Variants in KIF5C observed in about 807,000 individuals in gnomAD.
The protein encoded by KIF5C is kinesin heavy chain isoform 5C.
Under a neutral mutation model 125.2 loss-of-function variants are expected in KIF5C, and 18 were observed. That is an observed-to-expected ratio of 0.14 (90% CI 0.10 to 0.21). The LOEUF is 0.21. Ranked by LOEUF, KIF5C falls within the 10% of genes least tolerant of loss-of-function variation. The probability of loss-of-function intolerance (pLI) is 1.00; values close to 1 mark genes in which losing one functional copy is unlikely to be tolerated. For missense variants in KIF5C, 780 were observed against 1,183.8 expected, an observed-to-expected ratio of 0.66 and a Z score of 5.01; for synonymous variants, 405 against 434.0, an observed-to-expected ratio of 0.93 and a Z score of 0.83.
At chr2:149,013,118 T>G (rs1682260923) in intron 25 of KIF5C, among the ~76,000 whole-genome samples, 1 of 152,210 alleles carries the variant, frequency 6.6e-6, no homozygotes. Flanking sequence ...GTTTGAAAAC[T>G]CTCCATGGTT....
At chr2:148,911,194 G>A (rs966568597) in intron 1 of KIF5C, among the ~76,000 whole-genome samples, 1 of 152,184 alleles carries the variant, frequency 6.6e-6, no homozygotes, top group Non-Finnish European at 1.5e-5. Flanking sequence ...ATGTGAGAGA[G>A]TATGGAAACG....
intron 25 of KIF5C, 121 bp downstream of exon 25, chr2:149,011,804 C>A: frequency 1.5e-6 from 2 of 1,347,130 alleles, no homozygotes; most frequent in South Asian, 1.4e-5. Flanking sequence ...CAGCACACAC[C>A]CTGGGGGTTC....
rs1224685333 is a variant in KIF5C, at chr2:148,979,009, T to G, written c.1362+19T>G. On this transcript the variant is annotated intron_variant, in intron 13 of 25. Transcript: ENST00000435030. ...GGATGAGGTAAAGAATGCAATATAT[T>G]TTTTTTTCCACAAAGTTCTTCTATT... is the stretch of plus-strand genomic sequence containing the variant. The G allele has an allele frequency of 6.5e-7, 1 of 1,539,610 alleles. No homozygotes were observed. The highest frequency in any genetic ancestry group is 8.8e-7 in the Non-Finnish European group (1 of 1,141,512).
intron 1 of KIF5C, among the ~76,000 whole-genome samples, chr2:148,895,931 G>T (rs1453878406): frequency 6.6e-6 from 1 of 151,960 alleles, no homozygotes; most frequent in Non-Finnish European, 1.5e-5. Flanking sequence ...ATCCTATTGA[G>T]TCAGAGTCCC....
At chr2:148,989,576 T>C (rs1681472078) in intron 15 of KIF5C, among the ~76,000 whole-genome samples, 1 of 152,234 alleles carries the variant, frequency 6.6e-6, no homozygotes, top group African/African-American at 2.4e-5. Context: ...TTTTCCATAG[T>C]GGTTGTACTA....
At chr2:148,987,343 A>T (rs1484140567) in intron 15 of KIF5C, among the ~76,000 whole-genome samples, 1 of 152,188 alleles carries the variant, frequency 6.6e-6, no homozygotes, top group Non-Finnish European at 1.5e-5. Context: ...AGCAGAGGAT[A>T]TGAAGGCTGT....
chr2:148,898,414 C>A (rs1320674934), intron 1 of KIF5C, among the ~76,000 whole-genome samples: 2 of 152,188 alleles, frequency 1.3e-5, no homozygotes, highest in Non-Finnish European at 2.9e-5. Context: ...ACTTCTTAAT[C>A]CCAGAACCCG....
chr2:148,935,010 G>A, intron 3 of KIF5C: 1 of 350,676 alleles, frequency 2.9e-6, no homozygotes, highest in Non-Finnish European at 5.6e-6. Flanking sequence ...CCACTCTTGG[G>A]CATCTGAGCT....
intron 8 of KIF5C, chr2:148,948,086 G>A (rs955701548): frequency 9.0e-6 from 4 of 442,538 alleles, no homozygotes; most frequent in African/African-American, 4.0e-5. Context: ...AGTGGCTCAC[G>A]CCTGTAATCC....
intron 1 of KIF5C, chr2:148,886,169 A>G (rs557885575): frequency 6.6e-6 from 1 of 152,266 alleles, no homozygotes; most frequent in East Asian, 1.9e-4. Context: ...ACAAATGCCA[A>G]TCTGGTCAGT....
intron 16 of KIF5C, 80 bp downstream of exon 16, chr2:148,991,278 T>C: frequency 6.6e-7 from 1 of 1,513,626 alleles, no homozygotes; most frequent in South Asian, 1.3e-5. Context: ...GTGCTGATGG[T>C]GCACCTTAGG....
chr2:149,013,742 C>A (rs1682279424), intron 25 of KIF5C, among the ~76,000 whole-genome samples: 1 of 152,124 alleles, frequency 6.6e-6, no homozygotes. Flanking sequence ...GGGACAGTCA[C>A]CTTCTTCATG....
At chr2:148,886,080 A>T (rs184507809) in intron 1 of KIF5C, 1 of 152,292 alleles carries the variant, frequency 6.6e-6, no homozygotes, top group East Asian at 1.9e-4. Context: ...AACTCCATCG[A>T]TATTAGAAAC....
At chr2:148,965,296 G>C (rs1485406669) in intron 11 of KIF5C, among the ~76,000 whole-genome samples, 1 of 152,004 alleles carries the variant, frequency 6.6e-6, no homozygotes, top group African/African-American at 2.4e-5. Flanking sequence ...TAGGTGTGAG[G>C]GCCCTTTGGA....
At chr2:148,942,035 T>G in intron 6 of KIF5C, 45 bp downstream of exon 6, 1 of 1,598,242 alleles carries the variant, frequency 6.3e-7, no homozygotes, top group South Asian at 1.1e-5. Context: ...TTCTCTCCAG[T>G]CTCTGTCATA....
chr2:149,022,019 G>C (rs1269079222), intron 25 of KIF5C, among the ~76,000 whole-genome samples: 1 of 152,148 alleles, frequency 6.6e-6, no homozygotes, highest in Non-Finnish European at 1.5e-5. Flanking sequence ...GTTCATCCTG[G>C]AGATGCGCCC....
At chr2:148,903,095 C>T (rs1487308356) in intron 1 of KIF5C, among the ~76,000 whole-genome samples, 1 of 152,122 alleles carries the variant, frequency 6.6e-6, no homozygotes, top group African/African-American at 2.4e-5. Context: ...CTTGGGGAGA[C>T]ATCAGAAAGA....
At chr2:148,993,794 C>T (rs991792903) in intron 16 of KIF5C, among the ~76,000 whole-genome samples, 11 of 152,214 alleles carry the variant, frequency 7.2e-5, no homozygotes, top group Non-Finnish European at 1.0e-4. Context: ...TTATTAAGCA[C>T]TTACCCTCAT....
At chr2:148,877,911 A>G (rs1165860808) in intron 1 of KIF5C, 1 of 152,228 alleles carries the variant, frequency 6.6e-6, no homozygotes, top group African/African-American at 2.4e-5. Flanking sequence ...CCTTATCTAA[A>G]TAAACATATA....
Sources: gnomAD v4.1 joint callset for allele counts (sites outside exome capture counted in the v4.1 genomes callset) on GRCh38, gnomAD v4.1.1 for gene constraint, MANE v1.5 for transcripts, NCBI Gene and HGNC (gene_info 2026-07-23, HGNC 2026-07-21) for gene names.